Variants in HMGA2 observed in about 807,000 individuals in gnomAD.
HMGA2 encodes high mobility group AT-hook 2.
HMGA2 carries 8 observed loss-of-function variants against 19.1 expected under a neutral mutation model. The ratio of observed to expected loss-of-function variants is 0.42; its 90% confidence interval spans 0.25 to 0.76. HMGA2 has a LOEUF of 0.76. Ranked by LOEUF, HMGA2 falls within the 30% of genes least tolerant of loss-of-function variation. The pLI, the probability that HMGA2 is intolerant of heterozygous loss-of-function variation, is 0.28. For synonymous variants in HMGA2, 60 were observed against 48.8 expected, an observed-to-expected ratio of 1.23 and a Z score of -0.96; for missense variants, 109 against 136.3, an observed-to-expected ratio of 0.80 and a Z score of 1.00.
Position 65,963,500 on chromosome 12 carries a change from TCA to T in HMGA2, c.*211_*212del. ...ATTAATCACCTTCTTTGTAATCCCT[TCA>T]CAGTCCCAGGTTTAGTGAAAAACTG... On this transcript the variant is annotated 3_prime_UTR_variant, in exon 5 of 5. Coordinates refer to ENST00000403681, the MANE Select transcript of HMGA2 (RefSeq NM_003483.6). 1.7e-6 allele frequency: 1 copy of T among 588,352 alleles called. No homozygotes were observed. The highest frequency in any genetic ancestry group is 2.2e-5 in the South Asian group (1 of 46,068). The allele number at this position is 588,352 out of a possible 1,614,324, so 36.4% of individuals were successfully genotyped here.
chr12:65,895,947 G>C (rs1230179389), intron 3 of HMGA2, among the ~76,000 whole-genome samples: 6 of 152,142 alleles, frequency 3.9e-5, no homozygotes, highest in Admixed American at 3.9e-4. Flanking sequence ...TGAGGAGTGC[G>C]TTTGCATGTG....
At chr12:65,861,529 C>T (rs1872068301) in intron 3 of HMGA2, among the ~76,000 whole-genome samples, 1 of 150,830 alleles carries the variant, frequency 6.6e-6, no homozygotes, top group Admixed American at 6.6e-5. Flanking sequence ...CACTATGGAA[C>T]ACTGCGTTCA....
intron 3 of HMGA2, among the ~76,000 whole-genome samples, chr12:65,893,727 C>A (rs1874013960): frequency 6.6e-6 from 1 of 152,062 alleles, no homozygotes; most frequent in Non-Finnish European, 1.5e-5. Context: ...AATGAAGTTG[C>A]AAAGTTTAAT....
intron 3 of HMGA2, among the ~76,000 whole-genome samples, chr12:65,950,237 C>T (rs965711051): frequency 1.3e-5 from 2 of 152,046 alleles, no homozygotes; most frequent in African/African-American, 2.4e-5. Context: ...CATGTTCGCA[C>T]GAAAACGTGT....
At chr12:65,911,545 C>T (rs923639917) in intron 3 of HMGA2, among the ~76,000 whole-genome samples, 2 of 152,118 alleles carry the variant, frequency 1.3e-5, no homozygotes, top group African/African-American at 4.8e-5. Context: ...AGATTAAGAT[C>T]CAGGAAGCAA....
chr12:65,907,101 C>T (rs1450006843), intron 3 of HMGA2, among the ~76,000 whole-genome samples: 1 of 151,940 alleles, frequency 6.6e-6, no homozygotes, highest in Admixed American at 6.6e-5. Flanking sequence ...CTGTTAACTT[C>T]AATTAAAAGG....
intron 4 of HMGA2, among the ~76,000 whole-genome samples, chr12:65,960,376 G>A (rs915929293): frequency 2.6e-5 from 4 of 152,168 alleles, no homozygotes; most frequent in African/African-American, 9.7e-5. Context: ...ATGACACTTA[G>A]GAGAGCTGAG....
intron 3 of HMGA2, among the ~76,000 whole-genome samples, chr12:65,841,758 A>C (rs2120888522): frequency 6.6e-6 from 1 of 152,318 alleles, no homozygotes; most frequent in South Asian, 2.1e-4. Flanking sequence ...TTGTGCTTCT[A>C]AAACTTGTTC....
At chr12:65,939,074 A>T (rs1339804981) in intron 3 of HMGA2, among the ~76,000 whole-genome samples, 1 of 152,212 alleles carries the variant, frequency 6.6e-6, no homozygotes, top group Non-Finnish European at 1.5e-5. Flanking sequence ...AGGCAATGAG[A>T]GGCTTAGAAA....
At chr12:65,957,517 T>G (rs1380523017) in intron 4 of HMGA2, 1 of 152,182 alleles carries the variant, frequency 6.6e-6, no homozygotes, top group East Asian at 1.9e-4. Flanking sequence ...ATACTTTGTT[T>G]ATGCAAAAAT....
chr12:65,909,684 TG>T (rs1313102449), intron 3 of HMGA2, among the ~76,000 whole-genome samples: 1 of 152,218 alleles, frequency 6.6e-6, no homozygotes, highest in Non-Finnish European at 1.5e-5. Flanking sequence ...TCAAACCTGA[TG>T]TCTTTGCCTC....
In HMGA2 at chr12:65,913,420, C is replaced by T. The variant is rs117748786; in HGVS notation, c.250-37963C>T. ...CAATCCTTCTGGTAAGGAAACTTGCCTTCTTGTTGCAGTTGAAGCCCATTT... is the reference window on the plus strand; with the variant it reads ...CAATCCTTCTGGTAAGGAAACTTGCTTTCTTGTTGCAGTTGAAGCCCATTT... On this transcript the variant is annotated intron_variant, in intron 3 of 4. Coordinates refer to ENST00000403681, the MANE Select transcript of HMGA2 (RefSeq NM_003483.6). 3.7e-4 allele frequency among the ~76,000 whole-genome samples: 56 copies of T among 152,238 alleles called. No individual in the cohort carries two copies. In the East Asian group the frequency reaches 0.01, roughly 28 times the overall value.
In HMGA2 at chr12:65,917,799, C is replaced by T. The variant is rs1486088126; in HGVS notation, c.250-33584C>T. On this transcript the variant is annotated intron_variant, in intron 3 of 4. Coordinates refer to ENST00000403681, the MANE Select transcript of HMGA2 (RefSeq NM_003483.6). ...CTCTAGTTGTTTCTTTGACATTCAT[C>T]TTGTGTCTGTGATGAAACTTTAAGT... Among the ~76,000 whole-genome samples, 2 of 152,146 alleles carry T rather than the reference C, an allele frequency of 1.3e-5. 1 individual carries two copies. The highest frequency in any genetic ancestry group is 2.9e-5 in the Non-Finnish European group (2 of 68,026).
At chr12:65,947,226 C>T (rs907904792) in intron 3 of HMGA2, among the ~76,000 whole-genome samples, 1 of 151,854 alleles carries the variant, frequency 6.6e-6, no homozygotes, top group Non-Finnish European at 1.5e-5. Flanking sequence ...CTCAAGCAAT[C>T]CTCCCACCTC....
rs534807795 is a variant in HMGA2, at chr12:65,921,040, G to T, written c.250-30343G>T. Among the ~76,000 whole-genome samples, 280 of 152,290 alleles carry T rather than the reference G, an allele frequency of 1.8e-3. 3 individuals are homozygous for T. The highest frequency in any genetic ancestry group is 6.7e-3 in the African/African-American group (278 of 41,558). ...ATATGGACAATAAAATCCAGGTTGA[G>T]GTGTTCTCAGATGGAGATGAGGACC... On this transcript the variant is annotated intron_variant, in intron 3 of 4. Transcript: ENST00000403681.
chr12:65,935,957 T>A (rs1431695673), intron 3 of HMGA2, among the ~76,000 whole-genome samples: 1 of 152,148 alleles, frequency 6.6e-6, no homozygotes, highest in Non-Finnish European at 1.5e-5. Flanking sequence ...CTTAAGGCAC[T>A]GCATTCTTGA....
chr12:65,835,146 C>T (rs1870660833), intron 2 of HMGA2, among the ~76,000 whole-genome samples: 1 of 152,174 alleles, frequency 6.6e-6, no homozygotes, highest in South Asian at 2.1e-4. Flanking sequence ...TCTATTCTGG[C>T]AAAGGAAAAC....
At position 65,881,790 on chromosome 12, in the gene HMGA2, C is replaced by T. The variant is rs896330581; in HGVS notation, c.249+43221C>T. 9 of 702,962 alleles carry T rather than the reference C, an allele frequency of 1.3e-5. No homozygotes were observed. In the Admixed American group the frequency reaches 1.4e-4, roughly 11 times the overall value. The allele number at this position is 702,962 out of a possible 1,614,324, so 43.5% of individuals were successfully genotyped here. Reference sequence around the variant, plus strand: ...GCTGGTGAAGGAAGCCTGCTGATCCCGGAACTGGCCTTGCGCGCAAGTGGT... The same window carrying T: ...GCTGGTGAAGGAAGCCTGCTGATCCTGGAACTGGCCTTGCGCGCAAGTGGT... On this transcript the variant is annotated intron_variant, in intron 3 of 4. Transcript: ENST00000403681.
intron 3 of HMGA2, among the ~76,000 whole-genome samples, chr12:65,870,026 A>C (rs1004170833): frequency 2.6e-5 from 4 of 152,216 alleles, no homozygotes; most frequent in African/African-American, 4.8e-5. Context: ...GCAAAAAAAA[A>C]AAAAGTAGTG....
Sources: allele counts gnomAD v4.1 joint callset (sites outside exome capture counted in the v4.1 genomes callset), GRCh38; gene constraint gnomAD v4.1.1; transcripts MANE v1.5; gene names NCBI Gene and HGNC (gene_info 2026-07-23, HGNC 2026-07-21).